Variants in CCDC134 observed in about 807,000 individuals in gnomAD.
The protein encoded by CCDC134 is coiled-coil domain containing 134.
CCDC134 carries 27 observed loss-of-function variants against 25.6 expected under a neutral mutation model. The ratio of observed to expected loss-of-function variants is 1.05; its 90% CI spans 0.78 to 1.45. The LOEUF (loss-of-function observed/expected upper bound fraction) is 1.45, where lower values mean the gene tolerates loss of function less well. Ranked by LOEUF, CCDC134 falls within the 40% of genes most tolerant of loss-of-function variation. The pLI is 0.00. For missense variants in CCDC134, 261 were observed against 286.7 expected (o/e 0.91, Z 0.65); for synonymous variants, 110 against 115.0 (o/e 0.96, Z 0.28).
chr22:41,821,948 C>G (rs181249575), intron 6 of CCDC134, among the ~76,000 whole-genome samples: 1 of 151,972 alleles, frequency 6.6e-6, no homozygotes, highest in Non-Finnish European at 1.5e-5. Context: ...GAGGGGAGCA[C>G]GGAGGCTTGA....
At chr22:41,813,591 C>A in intron 5 of CCDC134, 146 bp downstream of exon 5, 1 of 1,218,974 alleles carries the variant, frequency 8.2e-7, no homozygotes, top group Non-Finnish European at 1.2e-6. Flanking sequence ...CACAGAGGCC[C>A]CATTTCAAGG....
intron 6 of CCDC134, among the ~76,000 whole-genome samples, chr22:41,818,259 A>G (rs1043293624): frequency 2.0e-5 from 3 of 152,202 alleles, no homozygotes; most frequent in African/African-American, 7.2e-5. Context: ...TCTACCAGGA[A>G]ACTTAATGAG....
chr22:41,825,359 G>T lies in CCDC134; in HGVS notation c.565-339G>T, dbSNP rs546365570. Among the ~76,000 whole-genome samples the T allele has an allele frequency of 6.6e-6, 1 of 151,926 alleles. No homozygotes were observed. The highest frequency in any genetic ancestry group is 1.5e-5 in the Non-Finnish European group (1 of 67,982). On this transcript the variant is annotated intron_variant, in intron 6 of 6. Transcript: ENST00000255784. This position sits in a 1 kb window ranked among gnomAD's most constrained non-coding sequence, Gnocchi z 4.4. The stretch of plus-strand genomic sequence containing the variant: ...TCTCCTCCTGAAGGGTGCAGCAGGT[G>T]TGGGGCTCCCGGGTCTGTGGTGGTC...
At position 41,829,038 on chromosome 22, in the gene CCDC134, C is replaced by T. The variant is rs2076692768; in HGVS notation, c.*3215C>T. On this transcript the variant is annotated 3_prime_UTR_variant, in exon 7 of 7. Transcript: ENST00000255784. The stretch of plus-strand genomic sequence containing the variant: ...GTGTGTGAGTGTGAAGAGGGCTGTC[C>T]TGTGTGTTGTAGGCTATTTTAGCAG... 6.6e-6 allele frequency among the ~76,000 whole-genome samples: 1 copy of T among 152,136 alleles called. No individual in the cohort carries two copies. Among genetic ancestry groups the T allele is most frequent in the African/African-American group, 2.4e-5 (1 of 41,420 alleles).
chr22:41,811,210 A>G (rs1036477781), intron 4 of CCDC134, among the ~76,000 whole-genome samples: 3 of 152,152 alleles, frequency 2.0e-5, no homozygotes, highest in Non-Finnish European at 4.4e-5. Flanking sequence ...ACTTGCTACC[A>G]TGATGGACAC....
chr22:41,816,077 TA>T (rs938733562), intron 6 of CCDC134, among the ~76,000 whole-genome samples: 5 of 152,132 alleles, frequency 3.3e-5, no homozygotes, highest in African/African-American at 1.2e-4. Flanking sequence ...ACCACCCACA[TA>T]AGAGAGTTTA....
intron 6 of CCDC134, among the ~76,000 whole-genome samples, chr22:41,816,638 C>T (rs566623121): frequency 1.3e-5 from 2 of 152,318 alleles, no homozygotes; most frequent in African/African-American, 4.8e-5. Context: ...ATATCCTCCC[C>T]AGGTGGCAGG....
intron 1 of CCDC134, among the ~76,000 whole-genome samples, chr22:41,805,373 A>C (rs759407132): frequency 1.3e-5 from 2 of 152,218 alleles, no homozygotes; most frequent in Non-Finnish European, 2.9e-5. Context: ...TCAAGGCTAC[A>C]GTGAGCCATG....
intron 1 of CCDC134, among the ~76,000 whole-genome samples, chr22:41,806,702 A>T (rs563612177): frequency 2.6e-5 from 4 of 152,278 alleles, no homozygotes; most frequent in Admixed American, 2.6e-4. Flanking sequence ...ACACAGGCAG[A>T]GTGTGTCCAA....
At position 41,825,755 on chromosome 22, in the gene CCDC134, A is replaced by G. The variant is rs1172170686; in HGVS notation, c.622A>G (p.Lys208Glu). 1 of 1,614,092 alleles carries G rather than the reference A, an allele frequency of 6.2e-7. No individual in the cohort carries two copies. Among genetic ancestry groups the G allele is most frequent in the East Asian group, 2.2e-5 (1 of 44,906 alleles). The change falls in exon 7 of 7, where the codon AAG becomes GAG. Residue 208 changes from lysine (K) to glutamate (E), a missense_variant. Lys to Glu is a moderately conservative substitution (Grantham distance 56, BLOSUM62 1). Transcript: ENST00000255784. The surrounding 1 kb of genome is among the most constrained non-coding windows in gnomAD (Gnocchi z 4.4). ...CCTGAGAGAAGAAGAGAAACGCCGA[A>G]AGAAAGAGGAGAAGCGGAAGGAGAT... is the stretch of plus-strand genomic sequence containing the variant. ...KALREEEKRR[K>E]KEEKRKEIRK...
chr22:41,830,534 C>T lies in CCDC134; in HGVS notation c.*4711C>T, dbSNP rs2076700624. On this transcript the variant is annotated 3_prime_UTR_variant, in exon 7 of 7. Coordinates refer to ENST00000255784, the MANE Select transcript of CCDC134 (RefSeq NM_024821.5). Reference sequence around the variant, plus strand: ...TGGGCAGCACAGTTGAAGGTGGCACCTTCCTGCTCAGTGCTGTGTCCAGAG... The same window carrying T: ...TGGGCAGCACAGTTGAAGGTGGCACTTTCCTGCTCAGTGCTGTGTCCAGAG... Among the ~76,000 whole-genome samples the T allele has an allele frequency of 6.6e-6, 1 of 152,220 alleles. No individual in the cohort carries two copies. Among genetic ancestry groups the T allele is most frequent in the Non-Finnish European group, 1.5e-5 (1 of 68,038 alleles).
intron 6 of CCDC134, among the ~76,000 whole-genome samples, chr22:41,823,204 A>G (rs2076660243): frequency 6.6e-6 from 1 of 151,828 alleles, no homozygotes; most frequent in Non-Finnish European, 1.5e-5. Flanking sequence ...TTTCTGGTCA[A>G]AAAACCATTA....
At chr22:41,808,736 CTT>C (rs2076579887) in intron 1 of CCDC134, 137 bp from the exon 2 acceptor site, 2 of 682,348 alleles carry the variant, frequency 2.9e-6, no homozygotes, top group Non-Finnish European at 5.1e-6. Flanking sequence ...AGAGCTGCAG[CTT>C]CAGGGCTCCC....
intron 1 of CCDC134, among the ~76,000 whole-genome samples, 187 bp from the exon 2 acceptor site, chr22:41,808,688 C>G (rs995121916): frequency 6.6e-6 from 1 of 152,152 alleles, no homozygotes; most frequent in Non-Finnish European, 1.5e-5. Context: ...TCCTAGCATC[C>G]CACGGCTCTG....
chr22:41,808,473 GCCTCACCCAGA>G (rs2076578874), intron 1 of CCDC134, among the ~76,000 whole-genome samples: 1 of 152,070 alleles, frequency 6.6e-6, no homozygotes, highest in South Asian at 2.1e-4. Flanking sequence ...CAGGCACAGT[GCCTCACCCAGA>G]CCTCCCTCCC....
intron 6 of CCDC134, among the ~76,000 whole-genome samples, chr22:41,816,160 A>C (rs1199756097): frequency 6.6e-6 from 1 of 152,204 alleles, no homozygotes; most frequent in African/African-American, 2.4e-5. Context: ...AGCAACCCTC[A>C]TGCCCCCATA....
chr22:41,815,204 C>CTTTTTTT (rs869174312), intron 6 of CCDC134, among the ~76,000 whole-genome samples: 13 of 122,132 alleles, frequency 1.1e-4, no homozygotes, highest in African/African-American at 3.1e-4. Context: ...CTTTTCTTTT[C>CTTTTTTT]TTTTTTTTTT....
intron 6 of CCDC134, among the ~76,000 whole-genome samples, chr22:41,814,467 T>C (rs1274900143): frequency 2.0e-5 from 3 of 151,858 alleles, no homozygotes; most frequent in East Asian, 1.9e-4. Context: ...TTCAGGAGAC[T>C]GAGGCAGGAG....
chr22:41,800,895 G>T (rs942326234), intron 1 of CCDC134, 129 bp downstream of exon 1: 1 of 152,228 alleles, frequency 6.6e-6, no homozygotes, highest in Non-Finnish European at 1.5e-5. Context: ...TCCTTGAGAA[G>T]GCTCGCTCCC....
Sources: gnomAD v4.1 joint callset for allele counts (sites outside exome capture counted in the v4.1 genomes callset) on GRCh38, gnomAD v4.1.1 for gene constraint, Gnocchi (gnomAD v3.1) non-coding constraint, MANE v1.5 for transcripts, NCBI Gene and HGNC (gene_info 2026-07-23, HGNC 2026-07-21) for gene names.